The following DSTYK variants were observed in gnomAD, a reference collection of about 807,000 sequenced individuals.
DSTYK encodes the protein dual serine/threonine and tyrosine protein kinase, also known as RIP-homologous kinase.
A neutral mutation model predicts 98.7 loss-of-function variants in DSTYK; 34 were observed. The observed-to-expected ratio is 0.34, with a 90% CI of 0.26 to 0.46. DSTYK has a LOEUF of 0.46. DSTYK is among the 20% of genes least tolerant of loss of function. DSTYK has a pLI of 1.00. For missense variants in DSTYK, 962 were observed against 1,181.7 expected, an observed-to-expected ratio of 0.81 and a Z score of 2.73; for synonymous variants, 462 against 457.3, an observed-to-expected ratio of 1.01 and a Z score of -0.13.
At chr1:205,184,577 C>CACAA (rs1217142581) in intron 2 of DSTYK, among the ~76,000 whole-genome samples, 1 of 152,126 alleles carries the variant, frequency 6.6e-6, no homozygotes, top group South Asian at 2.1e-4. Context: ...ATCTCAAAAA[C>CACAA]ACAAACAAAC....
chr1:205,161,450 T>C (rs1405260031), intron 6 of DSTYK, 63 bp from the exon 7 acceptor site: 1 of 1,510,006 alleles, frequency 6.6e-7, no homozygotes, highest in African/African-American at 1.4e-5. Flanking sequence ...CCTCACCTGT[T>C]ATACAGGGAT....
intron 2 of DSTYK, among the ~76,000 whole-genome samples, chr1:205,174,365 T>C (rs1410442787): frequency 6.6e-6 from 1 of 151,776 alleles, no homozygotes; most frequent in African/African-American, 2.4e-5. Flanking sequence ...ATACAAAAAT[T>C]AGCTGAGTGT....
chr1:205,147,833 G>T, intron 12 of DSTYK, 88 bp from the exon 13 acceptor site: 1 of 1,363,904 alleles, frequency 7.3e-7, no homozygotes, highest in Non-Finnish European at 1.0e-6. Flanking sequence ...TGACTTCCCA[G>T]TGGGGCTCAG....
At chr1:205,155,831 ATGAC>A (rs967720709) in intron 10 of DSTYK, among the ~76,000 whole-genome samples, 2 of 152,282 alleles carry the variant, frequency 1.3e-5, no homozygotes, top group African/African-American at 4.8e-5. Context: ...AGCCCCTCCT[ATGAC>A]AGGCCTGGAG....
At position 205,178,650 on chromosome 1, in the gene DSTYK, C is replaced by G. The variant is rs77583320; in HGVS notation, c.654+8768G>C. Among the ~76,000 whole-genome samples the G allele has an allele frequency of 8.6e-3, 1,311 of 152,094 alleles. 22 individuals are homozygous for G. Among genetic ancestry groups the G allele is most frequent in the African/African-American group, 0.03 (1,253 of 41,484 alleles). On this transcript the variant is annotated intron_variant, in intron 2 of 12. Transcript: ENST00000367162. ...ACTATAAGTAAGTTGGAACAAGAAG[C>G]CTTAAGTTTTGGGAGGAGTTCCAAT...
chr1:205,153,436 GA>G (rs1467485425), intron 10 of DSTYK, among the ~76,000 whole-genome samples: 23 of 152,106 alleles, frequency 1.5e-4, no homozygotes, highest in African/African-American at 5.6e-4. Flanking sequence ...GACTATTCTA[GA>G]TTAAAGGAGA....
At chr1:205,202,394 T>C (rs186634590) in intron 1 of DSTYK, 1 of 739,652 alleles carries the variant, frequency 1.4e-6, no homozygotes, top group African/African-American at 1.7e-5. Flanking sequence ...GTTGCGTTGG[T>C]TGGTGTGCCC....
chr1:205,168,193 C>G (rs1178973847), intron 3 of DSTYK, among the ~76,000 whole-genome samples: 1 of 151,972 alleles, frequency 6.6e-6, no homozygotes, highest in African/African-American at 2.4e-5. Context: ...AAGGTGGGTA[C>G]CAGGAAGAAG....
At chr1:205,182,166 C>T (rs909166713) in intron 2 of DSTYK, among the ~76,000 whole-genome samples, 4 of 151,580 alleles carry the variant, frequency 2.6e-5, no homozygotes, top group Admixed American at 2.6e-4. Flanking sequence ...TTTGGGAGGC[C>T]GAGGCAGGCA....
At chr1:205,205,048 A>C (rs1399680748) in intron 1 of DSTYK, among the ~76,000 whole-genome samples, 1 of 152,216 alleles carries the variant, frequency 6.6e-6, no homozygotes. Context: ...AGAAAGACCA[A>C]GTTTTGGATA....
intron 10 of DSTYK, among the ~76,000 whole-genome samples, chr1:205,153,499 G>A (rs1657461022): frequency 6.6e-6 from 1 of 152,128 alleles, no homozygotes; most frequent in Non-Finnish European, 1.5e-5. Flanking sequence ...ATTGGATCCT[G>A]TATCAAACAA....
intron 9 of DSTYK, among the ~76,000 whole-genome samples, 175 bp from the exon 10 acceptor site, chr1:205,157,561 C>T (rs1160779338): frequency 6.6e-6 from 1 of 152,106 alleles, no homozygotes; most frequent in Non-Finnish European, 1.5e-5. Flanking sequence ...ATTTCAAGAC[C>T]AGCCTGGCAA....
intron 3 of DSTYK, 129 bp from the exon 4 acceptor site, chr1:205,164,084 T>C (rs1657815459): frequency 2.7e-6 from 2 of 746,068 alleles, no homozygotes; most frequent in East Asian, 2.6e-5. Flanking sequence ...ACATGATTCG[T>C]TGATGATGTC....
chr1:205,176,635 T>G (rs1312882707), intron 2 of DSTYK, among the ~76,000 whole-genome samples: 1 of 151,556 alleles, frequency 6.6e-6, no homozygotes, highest in Admixed American at 6.6e-5. Flanking sequence ...AGAGACAAAA[T>G]CTCACTAAGT....
At chr1:205,172,584 A>G (rs924586429) in intron 2 of DSTYK, among the ~76,000 whole-genome samples, 2 of 151,392 alleles carry the variant, frequency 1.3e-5, no homozygotes, top group African/African-American at 4.9e-5. Context: ...CAAAGTGCTG[A>G]GATTACAGGT....
chr1:205,185,134 G>A (rs1658526001), intron 2 of DSTYK, among the ~76,000 whole-genome samples: 1 of 152,134 alleles, frequency 6.6e-6, no homozygotes. Context: ...CTGGAAGGCG[G>A]AGGTTGCAGT....
At chr1:205,172,245 C>T (rs113964447) in intron 2 of DSTYK, among the ~76,000 whole-genome samples, 3,896 of 152,128 alleles carry the variant, frequency 0.026, 70 homozygotes, top group East Asian at 0.068. Flanking sequence ...GTGTGAGCCA[C>T]CACACCCAGC....
At chr1:205,158,470 A>C (rs1356928349) in intron 9 of DSTYK, among the ~76,000 whole-genome samples, 1 of 152,170 alleles carries the variant, frequency 6.6e-6, no homozygotes, top group Admixed American at 6.5e-5. Flanking sequence ...AGGGAAACTC[A>C]ACATCCAACT....
In DSTYK at chr1:205,162,917, C is replaced by A. The variant is rs955135195; in HGVS notation, c.1641+6G>T. On this transcript the variant is annotated splice_donor_region_variant and intron_variant, in intron 5 of 12. Transcript: ENST00000367162. ...TTGAAATCTTTCTCTAAGTAATAAT[C>A]CCTACCTGTTTGATTTGCTCCCATA... 6 of 1,608,476 alleles carry A rather than the reference C, an allele frequency of 3.7e-6. No homozygotes were observed. Among genetic ancestry groups the A allele is most frequent in the Non-Finnish European group, 5.1e-6 (6 of 1,174,866 alleles).
Sources: gnomAD v4.1 joint callset for allele counts (sites outside exome capture counted in the v4.1 genomes callset) on GRCh38, gnomAD v4.1.1 for gene constraint, MANE v1.5 for transcripts, NCBI Gene and HGNC (gene_info 2026-07-23, HGNC 2026-07-21) for gene names.